The following PVT1 variants were observed in gnomAD, a reference collection of about 807,000 sequenced individuals.
PVT1 encodes CXCR4/PVT1 fusion.
Position 128,056,354 on chromosome 8 carries a change from T to C in PVT1, n.913-13806T>C, listed in dbSNP as rs972744499. ...ATGTATTTACATTTGAATGTGCAGG[T>C]ATGTATACTCATATATGCATACATA... On this transcript the variant is annotated intron_variant and non_coding_transcript_variant, in intron 4 of 10. Coordinates refer to ENST00000651587, the Ensembl canonical transcript of PVT1. 3.3e-5 allele frequency among the ~76,000 whole-genome samples: 5 copies of C among 152,250 alleles called. No individual in the cohort carries two copies. In the South Asian group the frequency reaches 1.0e-3, roughly 31 times the overall value.
At chr8:127,812,199 G>A (rs535199366) in intron 2 of PVT1, among the ~76,000 whole-genome samples, 2 of 149,842 alleles carry the variant, frequency 1.3e-5, no homozygotes, top group African/African-American at 2.5e-5. Context: ...AGGGAGGGAC[G>A]GAGGAAGGAG....
rs368088270 is a variant in PVT1, at chr8:127,971,919, G to T, written n.783-17243G>T. ...GCTGGTCTTCGGACAGTCCGGCCAA[G>T]TGAGACTGTCAGGCAGATGACTGTG... On this transcript the variant is annotated intron_variant and non_coding_transcript_variant, in intron 3 of 10. Transcript: ENST00000651587. 6.6e-5 allele frequency among the ~76,000 whole-genome samples: 10 copies of T among 152,350 alleles called. 1 individual carries two copies. Among genetic ancestry groups the T allele is most frequent in the African/African-American group, 2.2e-4 (9 of 41,572 alleles).
chr8:127,859,698 G>A (rs1039736838), intron 2 of PVT1, among the ~76,000 whole-genome samples: 1 of 152,042 alleles, frequency 6.6e-6, no homozygotes, highest in African/African-American at 2.4e-5. Context: ...GGAGAAATCT[G>A]TGCAGGAGTC....
intron 3 of PVT1, among the ~76,000 whole-genome samples, chr8:127,959,324 C>T (rs1002911877): frequency 1.3e-5 from 2 of 152,164 alleles, no homozygotes; most frequent in African/African-American, 2.4e-5. Context: ...CGGTGGCTCA[C>T]GCCTGTAATC....
chr8:127,938,096 T>C (rs936539956), intron 3 of PVT1, among the ~76,000 whole-genome samples: 2 of 152,122 alleles, frequency 1.3e-5, no homozygotes, highest in African/African-American at 2.4e-5. Flanking sequence ...CCTTGGGATG[T>C]TCACAAGGAG....
At chr8:127,884,013 A>G (rs1267969337) in intron 2 of PVT1, among the ~76,000 whole-genome samples, 1 of 152,274 alleles carries the variant, frequency 6.6e-6, no homozygotes, top group Non-Finnish European at 1.5e-5. Flanking sequence ...CCCTTTTTAT[A>G]GAAATAATGT....
intron 2 of PVT1, among the ~76,000 whole-genome samples, chr8:127,842,229 C>G (rs1375594563): frequency 6.8e-6 from 1 of 147,566 alleles, no homozygotes. Context: ...TGGAAAACGG[C>G]TTTGCTCTTT....
intron 2 of PVT1, among the ~76,000 whole-genome samples, chr8:127,817,528 A>AATATAT (rs36101639): frequency 0.083 from 5,683 of 68,518 alleles, 909 homozygotes; most frequent in African/African-American, 0.29. Flanking sequence ...TATCTATTTA[A>AATATAT]ATATATATAT....
At chr8:128,060,905 CTT>C (rs35320355) in intron 4 of PVT1, among the ~76,000 whole-genome samples, 29 of 123,610 alleles carry the variant, frequency 2.3e-4, no homozygotes, top group South Asian at 5.5e-4. Flanking sequence ...TAGGCAACTA[CTT>C]TTTTTTTTTT....
At chr8:127,861,048 C>T (rs1292114380) in intron 2 of PVT1, among the ~76,000 whole-genome samples, 3 of 152,150 alleles carry the variant, frequency 2.0e-5, no homozygotes, top group African/African-American at 4.8e-5. Flanking sequence ...CCTATTACCT[C>T]ACCTCTTCCT....
intron 3 of PVT1, among the ~76,000 whole-genome samples, chr8:127,979,826 A>T (rs1816863197): frequency 6.7e-6 from 1 of 148,518 alleles, no homozygotes; most frequent in Non-Finnish European, 1.5e-5. Context: ...GCACTTTAGT[A>T]ACTGCTTTAG....
chr8:127,914,715 G>A (rs542594544), intron 3 of PVT1, among the ~76,000 whole-genome samples: 2 of 151,988 alleles, frequency 1.3e-5, no homozygotes, highest in South Asian at 4.2e-4. Flanking sequence ...CCATTTTTAT[G>A]AATTTTCAAG....
In PVT1 at chr8:127,799,083, G is replaced by GT. The variant is rs944953004; in HGVS notation, n.372+3022dup. 2.0e-4 allele frequency among the ~76,000 whole-genome samples: 29 copies of GT among 148,666 alleles called. 3 individuals are homozygous for GT. The highest frequency in any genetic ancestry group is 4.3e-4 in the South Asian group (2 of 4,668). Reference sequence around the variant, plus strand: ...TTAATTGCGAAATTCCGAACTATCTGTTTTTTTTTTCCTTTATCTTTTCCT... The same window carrying GT: ...TTAATTGCGAAATTCCGAACTATCTGTTTTTTTTTTTCCTTTATCTTTTCCT... On this transcript the variant is annotated intron_variant and non_coding_transcript_variant, in intron 2 of 10. Transcript: ENST00000651587.
chr8:127,984,795 CA>C (rs1264274202), intron 3 of PVT1, among the ~76,000 whole-genome samples: 1 of 151,874 alleles, frequency 6.6e-6, no homozygotes, highest in African/African-American at 2.4e-5. Flanking sequence ...TTAGTGGAGA[CA>C]GGGGTCTCGC....
intron 3 of PVT1, among the ~76,000 whole-genome samples, chr8:127,948,909 C>G (rs879448430): frequency 6.6e-6 from 1 of 152,210 alleles, no homozygotes; most frequent in African/African-American, 2.4e-5. Flanking sequence ...CCTCTCTGAA[C>G]CCCCTTGGTC....
At chr8:128,068,428 A>C (rs1813938244) in intron 4 of PVT1, among the ~76,000 whole-genome samples, 1 of 152,182 alleles carries the variant, frequency 6.6e-6, no homozygotes, top group Non-Finnish European at 1.5e-5. Context: ...AGTGATGTTC[A>C]CCAGAAAATC....
chr8:127,876,058 AACAGAGTTACGGGGTT>A (rs1164608324), intron 2 of PVT1, among the ~76,000 whole-genome samples: 1 of 152,202 alleles, frequency 6.6e-6, no homozygotes, highest in Non-Finnish European at 1.5e-5. Flanking sequence ...AGGTTTACTG[AACAGAGTTACGGGGTT>A]GGGCCTCCGG....
At position 127,903,533 on chromosome 8, in the gene PVT1, C is replaced by T. The variant is rs534434134; in HGVS notation, n.782+12535C>T. Among the ~76,000 whole-genome samples, 21 of 152,206 alleles carry T rather than the reference C, an allele frequency of 1.4e-4. No homozygotes were observed. In the South Asian group the frequency reaches 2.3e-3, roughly 17 times the overall value. On this transcript the variant is annotated intron_variant and non_coding_transcript_variant, in intron 3 of 10. Coordinates refer to ENST00000651587, the Ensembl canonical transcript of PVT1. ...GCCTATATTGAGAGGGGTATTTCCT[C>T]GGTTTTCTTCTAGGATTTTTATAGT...
chr8:127,868,224 C>T lies in PVT1; in HGVS notation n.373-22365C>T, dbSNP rs1285659582. Reference sequence around the variant, plus strand: ...TAGGGTCCACCTTAGCACTAGCTCTCTGAGCTATAAGGCCTCAGGGTCTGT... The same window carrying T: ...TAGGGTCCACCTTAGCACTAGCTCTTTGAGCTATAAGGCCTCAGGGTCTGT... On this transcript the variant is annotated intron_variant and non_coding_transcript_variant, in intron 2 of 10. Transcript: ENST00000651587. Among the ~76,000 whole-genome samples the T allele has an allele frequency of 4.6e-5, 7 of 152,260 alleles. No homozygotes were observed. In the East Asian group the frequency reaches 1.2e-3, roughly 25 times the overall value.
Sources: allele counts gnomAD v4.1 joint callset (sites outside exome capture counted in the v4.1 genomes callset), GRCh38; gene constraint gnomAD v4.1.1; transcripts MANE v1.5; gene names NCBI Gene and HGNC (gene_info 2026-07-23, HGNC 2026-07-21).